The following CDC42BPB variants were observed in gnomAD, a reference collection of about 807,000 sequenced individuals.
The protein encoded by CDC42BPB is serine/threonine-protein kinase MRCK beta.
Under a neutral mutation model 214.9 loss-of-function variants are expected in CDC42BPB, and 37 were observed. The ratio of observed to expected loss-of-function variants is 0.17; its 90% CI spans 0.13 to 0.23. CDC42BPB has a LOEUF of 0.23. CDC42BPB is among the 10% of genes least tolerant of loss of function. The pLI is 1.00. For synonymous variants in CDC42BPB, 931 were observed against 884.0 expected (o/e 1.05, Z -0.94); for missense variants, 1,694 against 2,227.0 (o/e 0.76, Z 4.82).
intron 1 of CDC42BPB, chr14:103,041,574 G>A: frequency 8.6e-7 from 1 of 1,167,748 alleles, no homozygotes; most frequent in Non-Finnish European, 1.2e-6. Flanking sequence ...GCAGATGCAA[G>A]GCCGGGCAAG....
At chr14:102,987,210 C>A (rs1894283895) in intron 5 of CDC42BPB, among the ~76,000 whole-genome samples, 1 of 152,220 alleles carries the variant, frequency 6.6e-6, no homozygotes, top group African/African-American at 2.4e-5. Context: ...GCTGAGCCAA[C>A]TGCCCACAGT....
intron 5 of CDC42BPB, among the ~76,000 whole-genome samples, chr14:102,993,292 T>C (rs1219653599): frequency 1.3e-5 from 2 of 152,148 alleles, no homozygotes; most frequent in African/African-American, 4.8e-5. Context: ...CCACCAGTGT[T>C]GGGAAGAAAG....
At chr14:103,018,951 T>G (rs1438635087) in intron 1 of CDC42BPB, among the ~76,000 whole-genome samples, 1 of 152,046 alleles carries the variant, frequency 6.6e-6, no homozygotes, top group African/African-American at 2.4e-5. Flanking sequence ...TTTTTTGGTT[T>G]GTTTGTTTTT....
At chr14:102,985,779 C>T (rs971882438) in intron 6 of CDC42BPB, among the ~76,000 whole-genome samples, 1 of 152,238 alleles carries the variant, frequency 6.6e-6, no homozygotes, top group African/African-American at 2.4e-5. Flanking sequence ...CATGTAAGAA[C>T]AAAACTGCAA....
intron 30 of CDC42BPB, among the ~76,000 whole-genome samples, chr14:102,942,306 G>A (rs1336607965): frequency 1.3e-5 from 2 of 152,152 alleles, no homozygotes; most frequent in East Asian, 1.9e-4. Context: ...GGAGCTGGCC[G>A]TGCACCTCAC....
At chr14:102,976,173 G>A (rs757916178) in intron 9 of CDC42BPB, 124 bp from the exon 10 acceptor site, 1 of 1,473,644 alleles carries the variant, frequency 6.8e-7, no homozygotes, top group Non-Finnish European at 8.9e-7. Context: ...CCTGAGATAA[G>A]ACTTTATGGT....
At chr14:102,971,890 T>A (rs1484386805) in intron 13 of CDC42BPB, 29 bp downstream of exon 13, 1 of 1,604,582 alleles carries the variant, frequency 6.2e-7, no homozygotes. Flanking sequence ...GTCCAGTCGA[T>A]ACCATCCCTG....
intron 1 of CDC42BPB, among the ~76,000 whole-genome samples, chr14:103,035,299 C>T (rs777088120): frequency 5.9e-5 from 9 of 152,074 alleles, no homozygotes; most frequent in East Asian, 3.9e-4. Flanking sequence ...TCAGGTGATC[C>T]GCCTGCCTCG....
intron 1 of CDC42BPB, among the ~76,000 whole-genome samples, chr14:103,026,765 G>A (rs1195865081): frequency 6.6e-6 from 1 of 152,038 alleles, no homozygotes; most frequent in Non-Finnish European, 1.5e-5. Context: ...CTACTCAGGA[G>A]GCTGAGGCAG....
chr14:102,950,072 T>TG, intron 25 of CDC42BPB, 168 bp from the exon 26 acceptor site: 1 of 985,444 alleles, frequency 1.0e-6, no homozygotes, highest in South Asian at 4.7e-5. Flanking sequence ...GAGGGGTCCA[T>TG]GCGTGGCAGC....
Position 103,056,982 on chromosome 14 carries a change from T to G in CDC42BPB, c.175+17A>C. ...GGTCGCAGAGCCGCAGGTCCGGCCC[T>G]GCCGGCGCGCACTTACCCCACTCGA... On this transcript the variant is annotated intron_variant, in intron 1 of 36. Coordinates refer to ENST00000361246, the MANE Select transcript of CDC42BPB (RefSeq NM_006035.4). 7.2e-7 allele frequency: 1 copy of G among 1,396,918 alleles called. No individual in the cohort carries two copies. Among genetic ancestry groups the G allele is most frequent in the Non-Finnish European group, 9.3e-7 (1 of 1,071,082 alleles). The allele number at this position is 1,396,918 out of a possible 1,614,324, so 86.5% of individuals were successfully genotyped here. A position where few individuals can be genotyped will look rare whatever the true frequency, so the allele number is the denominator to read the frequency against.
At chr14:102,984,937 A>G (rs549665265) in intron 6 of CDC42BPB, among the ~76,000 whole-genome samples, 10 of 152,370 alleles carry the variant, frequency 6.6e-5, no homozygotes, top group African/African-American at 2.4e-4. Context: ...CAGCGGGACC[A>G]CTGGGGTGTT....
In CDC42BPB at chr14:102,944,665, G is replaced by A. The variant is rs954331635; in HGVS notation, c.3812-178C>T. ...TCTCTGCCCACAGAGCCAGTGGCTT[G>A]AACGCCCCCCGGAGAAGCTGCCCCA... On this transcript the variant is annotated intron_variant, in intron 29 of 36. Transcript: ENST00000361246. The surrounding 1 kb of genome is among the most constrained non-coding windows in gnomAD (Gnocchi z 6.6). 1 of 985,196 alleles carries A rather than the reference G, an allele frequency of 1.0e-6. No individual in the cohort carries two copies. Among genetic ancestry groups the A allele is most frequent in the Non-Finnish European group, 1.2e-6 (1 of 829,890 alleles). The allele number at this position is 985,196 out of a possible 1,614,324, so 61.0% of individuals were successfully genotyped here. A position where few individuals can be genotyped will look rare whatever the true frequency, so the allele number is the denominator to read the frequency against.
intron 1 of CDC42BPB, among the ~76,000 whole-genome samples, chr14:103,029,574 T>C (rs1406388570): frequency 6.9e-6 from 1 of 145,824 alleles, no homozygotes; most frequent in Non-Finnish European, 1.5e-5. Context: ...AATGCTAGAT[T>C]GGCCAGGCGT....
intron 5 of CDC42BPB, among the ~76,000 whole-genome samples, chr14:102,987,168 C>T (rs558929762): frequency 1.3e-5 from 2 of 152,328 alleles, no homozygotes; most frequent in East Asian, 3.9e-4. Context: ...CCCATACCCC[C>T]AAAACTGCAC....
intron 36 of CDC42BPB, chr14:102,937,016 T>C (rs4283153): frequency 6.6e-6 from 1 of 152,142 alleles, no homozygotes; most frequent in Non-Finnish European, 1.5e-5. Flanking sequence ...TCTATATTAT[T>C]ATGAAAATAA....
intron 36 of CDC42BPB, among the ~76,000 whole-genome samples, chr14:102,935,305 C>T (rs1891601244): frequency 6.6e-6 from 1 of 151,118 alleles, no homozygotes; most frequent in Non-Finnish European, 1.5e-5. Context: ...TTCTATACAC[C>T]AGAAATGAAC....
intron 27 of CDC42BPB, among the ~76,000 whole-genome samples, chr14:102,947,361 T>TG (rs1258276598): frequency 6.6e-6 from 1 of 152,080 alleles, no homozygotes; most frequent in Non-Finnish European, 1.5e-5. Flanking sequence ...TCCAATTGGC[T>TG]GGGGGGCACT....
At chr14:102,946,777 G>A (rs1595453716) in intron 27 of CDC42BPB, 93 bp from the exon 28 acceptor site, 8 of 1,517,044 alleles carry the variant, frequency 5.3e-6, no homozygotes, top group East Asian at 4.6e-5. Context: ...CGCACCCCAG[G>A]AGCAACGGGG....
Sources: allele counts gnomAD v4.1 joint callset (sites outside exome capture counted in the v4.1 genomes callset), GRCh38; gene constraint gnomAD v4.1.1; non-coding constraint Gnocchi (gnomAD v3.1); transcripts MANE v1.5; gene names NCBI Gene and HGNC (gene_info 2026-07-23, HGNC 2026-07-21).